TDRD12: variants seen among roughly 807,000 people sequenced by gnomAD.
TDRD12 encodes the protein tudor domain containing 12, also known as putative ATP-dependent RNA helicase TDRD12.
A neutral mutation model predicts 133.5 loss-of-function variants in TDRD12; 158 were observed. The ratio of observed to expected loss-of-function variants is 1.18; its 90% confidence interval spans 1.04 to 1.35. The LOEUF (loss-of-function observed/expected upper bound fraction) is 1.35. Among genes scored for constraint, TDRD12 ranks in the 40% most tolerant of loss-of-function variants. TDRD12 has a pLI of 0.00. For missense variants in TDRD12, 1,443 were observed against 1,321.3 expected, an observed-to-expected ratio of 1.09 and a Z score of -1.43; for synonymous variants, 460 against 477.9, an observed-to-expected ratio of 0.96 and a Z score of 0.49.
At chr19:32,731,816 T>C in exon 2 of TDRD12, 1 of 1,551,496 alleles carries the variant, frequency 6.4e-7, no homozygotes, top group Non-Finnish European at 8.7e-7. Flanking sequence ...AATAGTGCCA[T>C]GAATGACTTC....
At chr19:32,743,378 CT>C (rs1411877693) in intron 4 of TDRD12, among the ~76,000 whole-genome samples, 2 of 149,864 alleles carry the variant, frequency 1.3e-5, no homozygotes, top group African/African-American at 4.9e-5. Flanking sequence ...CCCACTCCCT[CT>C]CCCCACCGCC....
intron 13 of TDRD12, among the ~76,000 whole-genome samples, chr19:32,794,092 CTTTTTTTTT>C (rs751938374): frequency 1.2e-4 from 6 of 49,828 alleles, no homozygotes; most frequent in Non-Finnish European, 1.7e-4. Flanking sequence ...CTGTGCCTGG[CTTTTTTTTT>C]TTTTTTTTTT....
At chr19:32,815,617 C>T in exon 26 of TDRD12, 1 of 1,529,934 alleles carries the variant, frequency 6.5e-7, no homozygotes, top group Middle Eastern at 1.7e-4. Context: ...CTAAGCCAGA[C>T]CCCGTAAGTG....
chr19:32,779,899 T>C (rs1035239011), intron 11 of TDRD12, among the ~76,000 whole-genome samples: 7 of 152,150 alleles, frequency 4.6e-5, no homozygotes, highest in Non-Finnish European at 7.3e-5. Context: ...TGATATTTAA[T>C]GTACCCTGGA....
At chr19:32,813,715 G>A in exon 25 of TDRD12, 1 of 1,534,998 alleles carries the variant, frequency 6.5e-7, no homozygotes. Context: ...AAAATTGTTG[G>A]AAAATTGCAT....
At chr19:32,819,509 CA>C (rs1255598445) in intron 27 of TDRD12, among the ~76,000 whole-genome samples, 2 of 151,952 alleles carry the variant, frequency 1.3e-5, no homozygotes, top group Non-Finnish European at 2.9e-5. Context: ...TAGATTTAAC[CA>C]AAATGAGGTT....
exon 10 of TDRD12, chr19:32,828,487 G>A (rs768771702): frequency 2.6e-5 from 4 of 152,214 alleles, no homozygotes; most frequent in African/African-American, 7.2e-5. Flanking sequence ...CTGAAAAAGC[G>A]AGAAAGGTGA....
Position 32,738,886 on chromosome 19 carries a change from TG to T in TDRD12, c.215del (p.Cys72SerfsTer40). ...TGTGGTCTATTGTGAGGAGCTAAAG[TG>T]CTGGTGCAGGGCCATTGTCAAATCA... On this transcript the variant is annotated frameshift_variant, in exon 3 of 28. Transcript: ENST00000444215. LOFTEE classifies it high-confidence loss of function. The T allele has an allele frequency of 6.4e-7, 1 of 1,551,360 alleles. No homozygotes were observed. The highest frequency in any genetic ancestry group is 8.7e-7 in the Non-Finnish European group (1 of 1,146,994).
intron 11 of TDRD12, among the ~76,000 whole-genome samples, chr19:32,787,796 A>G (rs1970952044): frequency 6.6e-6 from 1 of 152,194 alleles, no homozygotes. Flanking sequence ...AGACTGGGAA[A>G]AGCGCAGTAT....
At chr19:32,760,221 T>C (rs1970112499) in intron 8 of TDRD12, among the ~76,000 whole-genome samples, 1 of 152,216 alleles carries the variant, frequency 6.6e-6, no homozygotes. Flanking sequence ...TGGAATGAAC[T>C]ATGCTTATCT....
chr19:32,783,975 C>T (rs1348333212), intron 11 of TDRD12, among the ~76,000 whole-genome samples: 2 of 152,120 alleles, frequency 1.3e-5, no homozygotes, highest in Admixed American at 6.6e-5. Context: ...CCTGATTGCC[C>T]TGGCCAGATA....
chr19:32,739,129 AAGG>A (rs1333970323), intron 3 of TDRD12, 137 bp downstream of exon 3: 12 of 1,094,216 alleles, frequency 1.1e-5, no homozygotes, highest in Non-Finnish European at 1.5e-5. Flanking sequence ...TAGCTTCCAG[AAGG>A]GGTGCTTTCT....
At chr19:32,749,897 T>A (rs1969773921) in intron 6 of TDRD12, 28 bp downstream of exon 6, 1 of 1,424,378 alleles carries the variant, frequency 7.0e-7, no homozygotes, top group Non-Finnish European at 9.6e-7. Flanking sequence ...ATTTTTATAA[T>A]ATTTCATCAT....
chr19:32,729,617 T>A (rs1968977682), intron 1 of TDRD12, among the ~76,000 whole-genome samples: 1 of 151,424 alleles, frequency 6.6e-6, no homozygotes, highest in Non-Finnish European at 1.5e-5. Flanking sequence ...TATATACATA[T>A]AGAGTTTCCA....
chr19:32,816,037 A>G (rs780039622), intron 26 of TDRD12, among the ~76,000 whole-genome samples: 3 of 151,966 alleles, frequency 2.0e-5, no homozygotes, highest in Non-Finnish European at 4.4e-5. Context: ...ATGAGTCTCC[A>G]TGTACCCATC....
At chr19:32,721,362 A>ATTGTT (rs1968656467) in intron 1 of TDRD12, among the ~76,000 whole-genome samples, 1 of 151,674 alleles carries the variant, frequency 6.6e-6, no homozygotes, top group Non-Finnish European at 1.5e-5. Flanking sequence ...AGATTGTGGG[A>ATTGTT]TTGTTTTATT....
At chr19:32,818,821 G>C (rs1255271780) in intron 27 of TDRD12, among the ~76,000 whole-genome samples, 2 of 152,176 alleles carry the variant, frequency 1.3e-5, no homozygotes, top group Non-Finnish European at 2.9e-5. Flanking sequence ...TGATGAGCTA[G>C]CCCAGGTGCA....
At chr19:32,794,390 C>T (rs1230391608) in intron 13 of TDRD12, among the ~76,000 whole-genome samples, 1 of 152,074 alleles carries the variant, frequency 6.6e-6, no homozygotes, top group African/African-American at 2.4e-5. Context: ...CAGGCATGAG[C>T]CACCGTGCCC....
rs1206400515 is a variant in TDRD12, at chr19:32,797,457, C to G, written c.1474-278C>G. The stretch of plus-strand genomic sequence containing the variant: ...TCTCTGTACCTCAAGTTCCTCACCT[C>G]TGAAGTGAAGCAGTGACAGCCTCTG... On this transcript the variant is annotated intron_variant, in intron 14 of 27. Coordinates refer to ENST00000444215, the Ensembl canonical transcript of TDRD12. Among the ~76,000 whole-genome samples the G allele has an allele frequency of 3.3e-5, 5 of 152,206 alleles. No homozygotes were observed. In the East Asian group the frequency reaches 9.6e-4, roughly 29 times the overall value.
Sources: allele counts gnomAD v4.1 joint callset (sites outside exome capture counted in the v4.1 genomes callset), GRCh38; gene constraint gnomAD v4.1.1; transcripts MANE v1.5; gene names NCBI Gene and HGNC (gene_info 2026-07-23, HGNC 2026-07-21).